TBCCD1: variants seen among roughly 807,000 people sequenced by gnomAD.
The protein encoded by TBCCD1 is TBCC domain containing 1.
A neutral mutation model predicts 53.4 loss-of-function variants in TBCCD1; 26 were observed. The ratio of observed to expected loss-of-function variants is 0.49; its 90% CI spans 0.36 to 0.68. TBCCD1 has a LOEUF of 0.68. Ranked by LOEUF, TBCCD1 falls within the 30% of genes least tolerant of loss-of-function variation. The probability of loss-of-function intolerance (pLI) is 0.00; values close to 1 mark genes in which losing one functional copy is unlikely to be tolerated. For synonymous variants in TBCCD1, 245 were observed against 241.7 expected, an observed-to-expected ratio of 1.01 and a Z score of -0.13; for missense variants, 558 against 669.5, an observed-to-expected ratio of 0.83 and a Z score of 1.84.
chr3:186,552,985 T>C (rs1004701622), intron 6 of TBCCD1, among the ~76,000 whole-genome samples: 5 of 152,204 alleles, frequency 3.3e-5, no homozygotes, highest in Non-Finnish European at 5.9e-5. Context: ...TGGATTTTAT[T>C]TGAAGTATGA....
At chr3:186,566,830 G>A (rs981461383) in intron 1 of TBCCD1, among the ~76,000 whole-genome samples, 1 of 151,382 alleles carries the variant, frequency 6.6e-6, no homozygotes, top group African/African-American at 2.4e-5. Flanking sequence ...ATAAAAGTTA[G>A]GCGAGGAAGA....
intron 1 of TBCCD1, among the ~76,000 whole-genome samples, chr3:186,566,782 T>C (rs371024734): frequency 1.3e-5 from 2 of 152,154 alleles, no homozygotes; most frequent in Non-Finnish European, 2.9e-5. Context: ...TGTCTTCCAA[T>C]GTGGAGAGAC....
chr3:186,559,454 C>T (rs1002272442), intron 2 of TBCCD1, among the ~76,000 whole-genome samples: 3 of 152,136 alleles, frequency 2.0e-5, no homozygotes, highest in African/African-American at 7.2e-5. Flanking sequence ...GATGTATAGT[C>T]ATTTCTTATT....
chr3:186,554,644 T>C lies in TBCCD1; in HGVS notation c.1154A>G (p.His385Arg), dbSNP rs974689916. The change falls in exon 6 of 8, where the codon CAT (histidine) becomes CGT (arginine). Residue 385 changes from histidine (H) to arginine (R), a missense_variant. Transcript: ENST00000338733. The part of the protein sequence containing the change: ...CDNVKVIAVC[H>R]RLSISSTTGC... ...TGTTGTAGAAGAGATGGACAAACGA[T>C]GGCAAACAGCAATGACTTTAACATT... 1 of 1,614,124 alleles carries C rather than the reference T, an allele frequency of 6.2e-7. No individual in the cohort carries two copies.
At chr3:186,567,054 T>G (rs949445697) in intron 1 of TBCCD1, among the ~76,000 whole-genome samples, 1 of 152,184 alleles carries the variant, frequency 6.6e-6, no homozygotes, top group African/African-American at 2.4e-5. Context: ...GCGGCTGTCC[T>G]GGGGCTTCGC....
At chr3:186,554,864 C>T (rs1181188075) in intron 5 of TBCCD1, 34 bp downstream of exon 5, 1 of 1,605,820 alleles carries the variant, frequency 6.2e-7, no homozygotes, top group East Asian at 2.2e-5. Context: ...AAGAAAATGT[C>T]AGAACATCAG....
At chr3:186,567,480 T>G (rs1001020322), upstream of TBCCD1, 1 of 151,158 alleles carries the variant, frequency 6.6e-6, no homozygotes, top group African/African-American at 2.4e-5. Flanking sequence ...GGGTCGAGAG[T>G]CCGCAACAGT....
chr3:186,551,105 G>A (rs375235183), intron 7 of TBCCD1, 24 bp downstream of exon 7: 2 of 1,593,438 alleles, frequency 1.3e-6, no homozygotes, highest in Non-Finnish European at 1.7e-6. Context: ...AAAAGAATCT[G>A]TTTTAAGTGG....
intron 1 of TBCCD1, among the ~76,000 whole-genome samples, chr3:186,565,810 A>G (rs1714812282): frequency 6.6e-6 from 1 of 152,204 alleles, no homozygotes. Context: ...GAAATTAAGT[A>G]ATTGACATTT....
In TBCCD1 at chr3:186,554,589, T is replaced by G; in HGVS notation, c.1209A>C (p.Thr403=). The change falls in exon 6 of 8, where the codon ACA becomes ACC. Residue 403 remains threonine, a synonymous_variant. Coordinates refer to ENST00000338733, the MANE Select transcript of TBCCD1 (RefSeq NM_018138.5). ...TGCIFHVLTP[T]RPLILSGNQT... is the part of the protein sequence containing the mutation. ...GGTTCCCAGAGAGAATAAGTGGGCGTGTAGGCGTAAGAACGTGAAAGATGC... is the reference window on the plus strand; with the variant it reads ...GGTTCCCAGAGAGAATAAGTGGGCGGGTAGGCGTAAGAACGTGAAAGATGC... 6.2e-7 allele frequency: 1 copy of G among 1,614,074 alleles called. No individual in the cohort carries two copies. Among genetic ancestry groups the G allele is most frequent in the Non-Finnish European group, 8.5e-7 (1 of 1,180,012 alleles).
In TBCCD1 at chr3:186,556,730, A is replaced by G; in HGVS notation, c.538T>C (p.Ser180Pro). The G allele has an allele frequency of 6.2e-7, 1 of 1,614,254 alleles. No homozygotes were observed. Among genetic ancestry groups the G allele is most frequent in the Non-Finnish European group, 8.5e-7 (1 of 1,180,048 alleles). ...SHQAFVYDHLSDLLELLLDPK... is the reference protein window; with the variant it reads ...SHQAFVYDHLPDLLELLLDPK... ...TCTAAAAGCAGCTCGAGGAGATCAG[A>G]CAGATGATCATAGACAAAAGCTTGG... is the stretch of plus-strand genomic sequence containing the variant. Residue 180 changes from serine (S) to proline (P), a missense_variant, in exon 4 of 8, where the codon TCT becomes CCT. Ser to Pro is a moderately conservative substitution (Grantham distance 74). Coordinates refer to ENST00000338733, the MANE Select transcript of TBCCD1 (RefSeq NM_018138.5).
chr3:186,558,423 A>C lies in TBCCD1; in HGVS notation c.486T>G (p.His162Gln), dbSNP rs1714600872. The C allele has an allele frequency of 2.5e-6, 4 of 1,613,824 alleles. No homozygotes were observed. Among genetic ancestry groups the C allele is most frequent in the Non-Finnish European group, 3.4e-6 (4 of 1,179,970 alleles). Reference sequence around the variant, plus strand: ...ATCAAGATATAAGGAGTACCTTATTATGACAATTAGATTTTTCAGTCAGGT... The same window carrying C: ...ATCAAGATATAAGGAGTACCTTATTCTGACAATTAGATTTTTCAGTCAGGT... ...SPDLTEKSNC[H>Q]NKNWNDYSHQ... Residue 162 changes from histidine (H) to glutamine (Q), a missense_variant, in exon 3 of 8, where the codon CAT (histidine) becomes CAG (glutamine). His to Gln is a conservative substitution (Grantham distance 24). Transcript: ENST00000338733.
chr3:186,552,390 C>T (rs1328093067), intron 6 of TBCCD1, among the ~76,000 whole-genome samples: 3 of 152,050 alleles, frequency 2.0e-5, no homozygotes, highest in Non-Finnish European at 4.4e-5. Flanking sequence ...CTTAAACCAC[C>T]ACCATTAGAC....
chr3:186,568,416 G>C (rs989758350), upstream of TBCCD1, among the ~76,000 whole-genome samples: 1 of 152,154 alleles, frequency 6.6e-6, no homozygotes, highest in Non-Finnish European at 1.5e-5. Flanking sequence ...TTTGAGCTGA[G>C]GCCTGAAGAG....
chr3:186,558,678 A>C (rs1054722326), intron 2 of TBCCD1, 106 bp from the exon 3 acceptor site: 4 of 1,259,766 alleles, frequency 3.2e-6, no homozygotes, highest in Non-Finnish European at 4.3e-6. Flanking sequence ...ATCCTAAAAA[A>C]ACCAACTTAG....
intron 2 of TBCCD1, among the ~76,000 whole-genome samples, chr3:186,562,111 G>C (rs1391266360): frequency 6.6e-6 from 1 of 152,210 alleles, no homozygotes; most frequent in Non-Finnish European, 1.5e-5. Flanking sequence ...GGAGGCTGAG[G>C]TGGGAGGATC....
intron 2 of TBCCD1, 133 bp from the exon 3 acceptor site, chr3:186,558,705 G>C (rs1299541860): frequency 4.6e-6 from 4 of 863,218 alleles, no homozygotes; most frequent in Non-Finnish European, 7.0e-6. Context: ...TGCCAGTTTT[G>C]ATATGTATGT....
In TBCCD1 at chr3:186,554,555, T is replaced by C; in HGVS notation, c.1243A>G (p.Thr415Ala). The part of the protein sequence containing the change: ...PLILSGNQTV[T>A]FAPFHTHYPM... The stretch of plus-strand genomic sequence containing the variant: ...TAATGTGTATGAAAAGGGGCAAAAG[T>C]TACTGTCTGGTTCCCAGAGAGAATA... The change falls in exon 6 of 8, where the codon ACT (threonine) becomes GCT (alanine). Residue 415 changes from threonine to alanine, a missense_variant. Physicochemically the swap from Thr to Ala is moderately conservative, Grantham distance 58 (BLOSUM62 0). Coordinates refer to ENST00000338733, the MANE Select transcript of TBCCD1 (RefSeq NM_018138.5). 3.7e-6 allele frequency: 6 copies of C among 1,614,212 alleles called. No homozygotes were observed. The highest frequency in any genetic ancestry group is 5.1e-6 in the Non-Finnish European group (6 of 1,180,042).
chr3:186,561,435 G>A (rs897334152), intron 2 of TBCCD1, among the ~76,000 whole-genome samples: 2 of 152,204 alleles, frequency 1.3e-5, no homozygotes, highest in African/African-American at 4.8e-5. Context: ...GTATTAGTAA[G>A]GATGTGAAGA....
Sources: allele counts gnomAD v4.1 joint callset (sites outside exome capture counted in the v4.1 genomes callset), GRCh38; gene constraint gnomAD v4.1.1; transcripts MANE v1.5; gene names NCBI Gene and HGNC (gene_info 2026-07-23, HGNC 2026-07-21).